CCDC191: variants seen among roughly 807,000 people sequenced by gnomAD.
CCDC191 encodes the protein coiled-coil domain-containing protein 191.
Under a neutral mutation model 114.0 loss-of-function variants are expected in CCDC191, and 99 were observed. The observed-to-expected ratio is 0.87, with a 90% CI of 0.74 to 1.03. The LOEUF (loss-of-function observed/expected upper bound fraction) is 1.03. CCDC191 is among the 50% of genes least tolerant of loss of function. The probability of loss-of-function intolerance (pLI) is 0.00; values close to 1 mark genes in which losing one functional copy is unlikely to be tolerated. For synonymous variants in CCDC191, 351 were observed against 376.0 expected, an observed-to-expected ratio of 0.93 and a Z score of 0.77; for missense variants, 973 against 1,087.0, an observed-to-expected ratio of 0.90 and a Z score of 1.47.
chr3:114,053,445 C>G (rs573695070), intron 2 of CCDC191, 152 bp downstream of exon 2: 1 of 451,306 alleles, frequency 2.2e-6, no homozygotes, highest in Non-Finnish European at 4.0e-6. Flanking sequence ...AAAAAAAATA[C>G]TAAAAAGTAT....
chr3:113,971,230 G>C (rs1577309934), intron 16 of CCDC191, among the ~76,000 whole-genome samples: 1 of 152,200 alleles, frequency 6.6e-6, no homozygotes, highest in Middle Eastern at 3.4e-3. Flanking sequence ...AGCACCTGTT[G>C]TTTCCTGACT....
intron 1 of CCDC191, among the ~76,000 whole-genome samples, chr3:114,056,154 A>C (rs2076775319): frequency 1.3e-5 from 2 of 152,190 alleles, no homozygotes; most frequent in Non-Finnish European, 2.9e-5. Context: ...AAAGCGTTAC[A>C]AACAGTTCTT....
intron 7 of CCDC191, among the ~76,000 whole-genome samples, 166 bp from the exon 8 acceptor site, chr3:114,019,034 A>G (rs1177335315): frequency 1.3e-5 from 2 of 152,150 alleles, no homozygotes; most frequent in Admixed American, 1.3e-4. Flanking sequence ...CTTTATGCTA[A>G]TAATGACAAG....
chr3:113,987,401 A>C (rs2075398964), intron 13 of CCDC191, among the ~76,000 whole-genome samples: 1 of 152,222 alleles, frequency 6.6e-6, no homozygotes, highest in Non-Finnish European at 1.5e-5. Flanking sequence ...TTCCACTGAG[A>C]AAACTAATTG....
intron 13 of CCDC191, among the ~76,000 whole-genome samples, chr3:113,999,290 T>A (rs888212731): frequency 3.9e-5 from 6 of 152,154 alleles, no homozygotes; most frequent in African/African-American, 1.4e-4. Context: ...CCAAGAGACA[T>A]AATGATTCCA....
At chr3:114,047,120 G>C (rs1015066095) in intron 2 of CCDC191, 3 of 983,560 alleles carry the variant, frequency 3.1e-6, no homozygotes, top group Non-Finnish European at 3.6e-6. Flanking sequence ...ATATGAACCA[G>C]AGGTAGAGTA....
At chr3:114,018,105 A>C (rs1485885512) in intron 8 of CCDC191, among the ~76,000 whole-genome samples, 1 of 152,334 alleles carries the variant, frequency 6.6e-6, no homozygotes, top group Non-Finnish European at 1.5e-5. Context: ...GGGAGGAATC[A>C]CTTTGGCAGG....
In CCDC191 at chr3:113,965,258, A is replaced by G. The variant is rs776895230; in HGVS notation, c.2708T>C (p.Val903Ala). The change falls in exon 17 of 17, where the codon GTA becomes GCA. Residue 903 changes from valine to alanine, a missense_variant. Coordinates refer to ENST00000295878, the MANE Select transcript of CCDC191 (RefSeq NM_020817.2). Reference sequence around the variant, plus strand: ...CTGGAAGTCTGGAAGAATTTCAACTACCTTCCTACGAAGTTGCTGTCGCCT... The same window carrying G: ...CTGGAAGTCTGGAAGAATTTCAACTGCCTTCCTACGAAGTTGCTGTCGCCT... The part of the protein sequence containing the change: ...EERRQQLRRK[V>A]VEILPDFQVP... 7 of 1,610,942 alleles carry G rather than the reference A, an allele frequency of 4.3e-6. No homozygotes were observed. Among genetic ancestry groups the G allele is most frequent in the Non-Finnish European group, 5.9e-6 (7 of 1,178,434 alleles).
intron 16 of CCDC191, among the ~76,000 whole-genome samples, chr3:113,975,426 C>T (rs528818782): frequency 1.3e-5 from 2 of 152,122 alleles, no homozygotes; most frequent in Admixed American, 1.3e-4. Flanking sequence ...AATGTTAAAG[C>T]CCCTTTTAAA....
At chr3:114,042,062 T>C (rs2076569831) in intron 4 of CCDC191, among the ~76,000 whole-genome samples, 1 of 152,138 alleles carries the variant, frequency 6.6e-6, no homozygotes, top group Non-Finnish European at 1.5e-5. Flanking sequence ...ATAAGAAGCA[T>C]TTTATAAATA....
intron 15 of CCDC191, chr3:113,978,532 AAC>A: frequency 1.6e-6 from 1 of 618,406 alleles, no homozygotes; most frequent in Non-Finnish European, 2.8e-6. Context: ...CATGAATAGA[AAC>A]AGTTATAAGA....
chr3:114,002,925 A>G (rs1310084100), intron 11 of CCDC191: 1 of 982,700 alleles, frequency 1.0e-6, no homozygotes. Context: ...AAGTACTTTG[A>G]GAGTAGAATC....
At chr3:113,995,333 T>C (rs1053645620) in intron 13 of CCDC191, among the ~76,000 whole-genome samples, 1 of 152,160 alleles carries the variant, frequency 6.6e-6, no homozygotes, top group African/African-American at 2.4e-5. Context: ...ATGAGGGGTA[T>C]ACAGAGGAAG....
chr3:113,989,274 G>A (rs557715114), intron 13 of CCDC191, among the ~76,000 whole-genome samples: 13 of 152,246 alleles, frequency 8.5e-5, no homozygotes, highest in South Asian at 4.1e-4. Context: ...TATAGATACC[G>A]TAAGACACAG....
At chr3:113,988,210 T>C (rs116162202) in intron 13 of CCDC191, among the ~76,000 whole-genome samples, 384 of 149,774 alleles carry the variant, frequency 2.6e-3, no homozygotes, top group African/African-American at 9.1e-3. Context: ...TTTAATCCAG[T>C]TGTGGCCGGG....
chr3:113,966,517 C>T (rs980089025), intron 16 of CCDC191, among the ~76,000 whole-genome samples: 1 of 152,154 alleles, frequency 6.6e-6, no homozygotes, highest in Admixed American at 6.5e-5. Flanking sequence ...GATGTCTGAA[C>T]TGAATTTTTG....
chr3:114,010,884 T>G lies in CCDC191; in HGVS notation c.1301A>C (p.Asp434Ala). Residue 434 changes from aspartate to alanine, a missense_variant, in exon 9 of 17, where the codon GAT becomes GCT. Physicochemically the swap from Asp to Ala is moderately radical, Grantham distance 126 (BLOSUM62 -2). Transcript: ENST00000295878. The stretch of plus-strand genomic sequence containing the variant: ...CAGTGATGCTGCCTGCAGCAGTGCA[T>G]CCATCTTCTTCCTAGTTTCCTCTTT... ...LTKEETRKKMDALLQAASLGK... is the reference protein window; with the variant it reads ...LTKEETRKKMAALLQAASLGK... 1 of 1,614,112 alleles carries G rather than the reference T, an allele frequency of 6.2e-7. No homozygotes were observed.
At chr3:113,976,510 C>G (rs2107595281) in intron 16 of CCDC191, among the ~76,000 whole-genome samples, 1 of 152,060 alleles carries the variant, frequency 6.6e-6, no homozygotes, top group South Asian at 2.1e-4. Flanking sequence ...TTACTGCTAT[C>G]AGATGAGATG....
intron 11 of CCDC191, chr3:114,004,321 C>G (rs1027487598): frequency 2.0e-6 from 2 of 1,004,368 alleles, no homozygotes; most frequent in Non-Finnish European, 2.4e-6. Context: ...TCAGAGTTTT[C>G]TCATTTGTGT....
Sources: gnomAD v4.1 joint callset for allele counts (sites outside exome capture counted in the v4.1 genomes callset) on GRCh38, gnomAD v4.1.1 for gene constraint, MANE v1.5 for transcripts, NCBI Gene and HGNC (gene_info 2026-07-23, HGNC 2026-07-21) for gene names.